MTA1: variants seen among roughly 807,000 people sequenced by gnomAD.
The protein encoded by MTA1 is metastasis-associated protein MTA1.
Under a neutral mutation model 97.0 loss-of-function variants are expected in MTA1, and 15 were observed. That is an observed-to-expected ratio of 0.15 (90% CI 0.10 to 0.24). The LOEUF (loss-of-function observed/expected upper bound fraction) is 0.24, where lower values mean the gene tolerates loss of function less well. MTA1 is among the 10% of genes least tolerant of loss of function. The pLI is 1.00. For synonymous variants in MTA1, 435 were observed against 417.5 expected (o/e 1.04, Z -0.51); for missense variants, 709 against 1,015.1 (o/e 0.70, Z 4.10).
In MTA1 at chr14:105,464,715, G is replaced by C; in HGVS notation, c.1386G>C (p.Lys462Asn). Residue 462 changes from lysine to asparagine, a missense_variant, in exon 15 of 21, where the codon AAG becomes AAC. Lys to Asn is a moderately conservative substitution (Grantham distance 94). This residue lies in a region of MTA1 where 388 missense variants were observed against 421.6 expected (regional missense o/e 0.92). Coordinates refer to ENST00000331320, the MANE Select transcript of MTA1 (RefSeq NM_004689.4). ...GLPARSSGSPKFAMKTRQAFY... is the reference protein window; with the variant it reads ...GLPARSSGSPNFAMKTRQAFY... ...CAGCCCGGAGCAGCGGGAGCCCCAA[G>C]TTTGCCATGAAGACCAGGCAGGCTT... 1 of 1,607,512 alleles carries C rather than the reference G, an allele frequency of 6.2e-7. No homozygotes were observed. Among genetic ancestry groups the C allele is most frequent in the Non-Finnish European group, 8.5e-7 (1 of 1,175,968 alleles).
At chr14:105,458,481 A>C in intron 8 of MTA1, 109 bp downstream of exon 8, 1 of 992,312 alleles carries the variant, frequency 1.0e-6, no homozygotes, top group Non-Finnish European at 1.5e-6. Context: ...CCATATCCCA[A>C]CAAGAAGCCC....
intron 1 of MTA1, among the ~76,000 whole-genome samples, chr14:105,426,527 T>A (rs1479822829): frequency 6.6e-6 from 1 of 152,108 alleles, no homozygotes; most frequent in Non-Finnish European, 1.5e-5. Flanking sequence ...CCCTGAGGTG[T>A]GGCGTTCTCT....
chr14:105,455,708 T>G (rs2083121458), intron 7 of MTA1, among the ~76,000 whole-genome samples: 1 of 152,228 alleles, frequency 6.6e-6, no homozygotes, highest in Admixed American at 6.5e-5. Context: ...CACAGGTGGC[T>G]GGGTGTGCCA....
intron 1 of MTA1, among the ~76,000 whole-genome samples, chr14:105,430,571 G>A (rs12432166): frequency 0.87 from 132,565 of 152,068 alleles, 60,649 homozygotes; most frequent in Non-Finnish European, 1. Context: ...AAATGGCACC[G>A]ATGGACTTGA....
chr14:105,462,813 G>A (rs949849303), intron 10 of MTA1, among the ~76,000 whole-genome samples: 9 of 152,254 alleles, frequency 5.9e-5, no homozygotes, highest in Admixed American at 3.3e-4. Context: ...AGGTTGCAGC[G>A]AGCCGAGATT....
Position 105,420,631 on chromosome 14 carries a change from C to G in MTA1, c.28+568C>G, listed in dbSNP as rs1411937494. Among the ~76,000 whole-genome samples, 1 of 152,204 alleles carries G rather than the reference C, an allele frequency of 6.6e-6. No homozygotes were observed. The highest frequency in any genetic ancestry group is 2.4e-5 in the African/African-American group (1 of 41,458). The stretch of plus-strand genomic sequence containing the variant: ...CAGGGAGCGAGCATCCCGAGCACGC[C>G]TCTAAGTCCCCCCAAACTTTTCCCT... On this transcript the variant is annotated intron_variant, in intron 1 of 20. Coordinates refer to ENST00000331320, the MANE Select transcript of MTA1 (RefSeq NM_004689.4). This position sits in a 1 kb window ranked among gnomAD's most constrained non-coding sequence, Gnocchi z 5.3.
At chr14:105,469,672 G>A in intron 19 of MTA1, 169 bp from the exon 20 acceptor site, 25 of 1,206,934 alleles carry the variant, frequency 2.1e-5, no homozygotes, top group Non-Finnish European at 2.9e-5. Flanking sequence ...AGGCCCAGCG[G>A]TGTGCGGCCG....
In MTA1 at chr14:105,441,232, G is replaced by A. The variant is rs377233918; in HGVS notation, c.96+2493G>A. Among the ~76,000 whole-genome samples, 144 of 152,164 alleles carry A rather than the reference G, an allele frequency of 9.5e-4. 1 individual carries two copies. Among genetic ancestry groups the A allele is most frequent in the African/African-American group, 3.3e-3 (135 of 41,444 alleles). Reference sequence around the variant, plus strand: ...CGTGCGGGGGCTGGAAGTGGGGATCGCCTGGCTCATGGCCTGTCCCCTGGT... The same window carrying A: ...CGTGCGGGGGCTGGAAGTGGGGATCACCTGGCTCATGGCCTGTCCCCTGGT... On this transcript the variant is annotated intron_variant, in intron 2 of 20. Coordinates refer to ENST00000331320, the MANE Select transcript of MTA1 (RefSeq NM_004689.4).
chr14:105,438,138 ACTGTGTTCT>A (rs1444798340), intron 1 of MTA1, among the ~76,000 whole-genome samples: 4 of 152,054 alleles, frequency 2.6e-5, no homozygotes, highest in African/African-American at 9.7e-5. Context: ...GGAAGCCCCA[ACTGTGTTCT>A]CTGTGTAGTC....
intron 1 of MTA1, among the ~76,000 whole-genome samples, chr14:105,433,396 G>A (rs954634134): frequency 2.6e-5 from 4 of 152,192 alleles, no homozygotes; most frequent in African/African-American, 4.8e-5. Flanking sequence ...ACAAGGCACC[G>A]CGGTACGTCA....
chr14:105,442,936 C>T (rs587594263), intron 2 of MTA1, among the ~76,000 whole-genome samples: 7 of 152,344 alleles, frequency 4.6e-5, no homozygotes, highest in South Asian at 4.1e-4. Context: ...TGGCCTGAGG[C>T]GCTGAGCTGG....
Position 105,438,851 on chromosome 14 carries a change from T to C in MTA1, c.96+112T>C, listed in dbSNP as rs587744018. 462 of 1,062,508 alleles carry C rather than the reference T, an allele frequency of 4.3e-4. 1 individual carries two copies. The highest frequency in any genetic ancestry group is 6.2e-4 in the Admixed American group (34 of 54,442). 65.8% of individuals were successfully genotyped at this position (1,062,508 alleles called of 1,614,324 possible). A position where few individuals can be genotyped will look rare whatever the true frequency, so the allele number is the denominator to read the frequency against. On this transcript the variant is annotated intron_variant, in intron 2 of 20. Transcript: ENST00000331320. ...CCCCCTTTCGGGGCTGATCTTGGAC[T>C]GGCCACTGCACAGGCCCTTCAGTGA...
chr14:105,462,991 G>GT (rs2083418207), intron 10 of MTA1, among the ~76,000 whole-genome samples, 193 bp from the exon 11 acceptor site: 1 of 152,106 alleles, frequency 6.6e-6, no homozygotes, highest in Admixed American at 6.5e-5. Context: ...GGCATCTGGC[G>GT]GGGGGACCTG....
At position 105,422,091 on chromosome 14, in the gene MTA1, G is replaced by A. The variant is rs1555421097; in HGVS notation, c.28+2028G>A. Among the ~76,000 whole-genome samples, 1 of 152,222 alleles carries A rather than the reference G, an allele frequency of 6.6e-6. No homozygotes were observed. The highest frequency in any genetic ancestry group is 1.9e-4 in the East Asian group (1 of 5,188). On this transcript the variant is annotated intron_variant, in intron 1 of 20. Transcript: ENST00000331320. This position sits in a 1 kb window ranked among gnomAD's most constrained non-coding sequence, Gnocchi z 4.3. The stretch of plus-strand genomic sequence containing the variant: ...TCTGCGTGTGCAGTCCGTGGTCACT[G>A]TGGCCGGGTGTGCTCGGAGCTGTCA...
At chr14:105,457,254 T>C (rs1696636605) in intron 7 of MTA1, among the ~76,000 whole-genome samples, 2 of 152,236 alleles carry the variant, frequency 1.3e-5, no homozygotes, top group African/African-American at 4.8e-5. Context: ...GGCTCAGCCA[T>C]GCTCAGACAC....
chr14:105,424,473 T>G lies in MTA1; in HGVS notation c.28+4410T>G, dbSNP rs587755565. 9.4e-4 allele frequency among the ~76,000 whole-genome samples: 142 copies of G among 151,636 alleles called. 2 individuals carry two copies. The highest frequency in any genetic ancestry group is 3.4e-3 in the African/African-American group (139 of 41,250). ...GCCTCAGCCTCTCAAAGTATTGGGA[T>G]TACAGGCGTGAGCCACTGCGTCTGG... On this transcript the variant is annotated intron_variant, in intron 1 of 20. Transcript: ENST00000331320. This position sits in a 1 kb window ranked among gnomAD's most constrained non-coding sequence, Gnocchi z 4.0.
In MTA1 at chr14:105,470,179, G is replaced by A. The variant is rs200408915; in HGVS notation, c.2112G>A (p.Ala704=). 1,129 of 1,608,084 alleles carry A rather than the reference G, an allele frequency of 7.0e-4. 7 individuals carry two copies. In the African/African-American group the frequency reaches 0.013, roughly 19 times the overall value. The change falls in exon 21 of 21, where the codon GCG becomes GCA. Residue 704 remains alanine (A), a synonymous_variant. Transcript: ENST00000331320. ...QALPPRPPPP[A]PVNDEPIVIE... ...TGCCGCCGCGGCCACCGCCACCTGC[G>A]CCCGTCAACGACGAGCCCATCGTCA... is the stretch of plus-strand genomic sequence containing the variant.
In MTA1 at chr14:105,463,079, C is replaced by A; in HGVS notation, c.943-105C>A. The stretch of plus-strand genomic sequence containing the variant: ...CACCAAGCACACCTCGCCCTCTGGC[C>A]TCCCGCCCCCTCTGTGGCCTTCTGG... On this transcript the variant is annotated intron_variant, in intron 10 of 20. Transcript: ENST00000331320. This position sits in a 1 kb window ranked among gnomAD's most constrained non-coding sequence, Gnocchi z 5.9. The A allele has an allele frequency of 8.6e-7, 1 of 1,159,118 alleles. No homozygotes were observed. Among genetic ancestry groups the A allele is most frequent in the Non-Finnish European group, 1.3e-6 (1 of 794,010 alleles). 71.8% of individuals were successfully genotyped at this position (1,159,118 alleles called of 1,614,324 possible). A position where few individuals can be genotyped will look rare whatever the true frequency, so the allele number is the denominator to read the frequency against.
intron 1 of MTA1, among the ~76,000 whole-genome samples, chr14:105,426,470 C>A (rs1040358801): frequency 6.6e-6 from 1 of 151,894 alleles, no homozygotes; most frequent in Non-Finnish European, 1.5e-5. Flanking sequence ...CCTGGCTCAT[C>A]CCCTGCCTTC....
Sources: allele counts gnomAD v4.1 joint callset (sites outside exome capture counted in the v4.1 genomes callset), GRCh38; gene constraint gnomAD v4.1.1; regional missense constraint gnomAD v4.1.1; non-coding constraint Gnocchi (gnomAD v3.1); transcripts MANE v1.5; gene names NCBI Gene and HGNC (gene_info 2026-07-23, HGNC 2026-07-21).